Variants in TENM1 observed in about 807,000 individuals in gnomAD.
The protein encoded by TENM1 is teneurin transmembrane protein 1.
TENM1 carries 35 observed loss-of-function variants against 174.8 expected under a neutral mutation model. The observed-to-expected ratio is 0.20, with a 90% CI of 0.15 to 0.27. TENM1 has a LOEUF of 0.27. Ranked by LOEUF, TENM1 falls within the 10% of genes least tolerant of loss-of-function variation. TENM1 has a pLI of 1.00. For missense variants in TENM1, 1,633 were observed against 2,130.1 expected (o/e 0.77, Z 4.59); for synonymous variants, 781 against 798.7 (o/e 0.98, Z 0.37).
intron 3 of TENM1, among the ~76,000 whole-genome samples, chrX:124,763,278 C>T (rs2054463415): frequency 9.0e-6 from 1 of 110,757 alleles, no homozygotes; most frequent in Non-Finnish European, 1.9e-5. Flanking sequence ...GGCAATGGTA[C>T]GAGGGAATGG....
chrX:125,196,013 C>CAAAG, the TENM1 span, among the ~76,000 whole-genome samples: 1 of 90,696 alleles, frequency 1.1e-5, no homozygotes, highest in African/African-American at 4.3e-5. Context: ...AAAGAAGGAA[C>CAAAG]GAAGGAAGGA....
chrX:124,410,056 C>T (rs1376483950), intron 25 of TENM1, among the ~76,000 whole-genome samples: 10 of 109,393 alleles, frequency 9.1e-5, no homozygotes, highest in African/African-American at 3.0e-4. Flanking sequence ...GAGCCCACAT[C>T]GCCAAGTCAA....
chrX:125,019,653 A>G, the TENM1 span, among the ~76,000 whole-genome samples: 2 of 110,924 alleles, frequency 1.8e-5, no homozygotes, highest in Non-Finnish European at 3.8e-5. Flanking sequence ...GGATATTTAG[A>G]AAAAAAGTCT....
intron 3 of TENM1, among the ~76,000 whole-genome samples, chrX:124,771,499 T>C (rs2054653276): frequency 8.9e-6 from 1 of 112,493 alleles, no homozygotes; most frequent in African/African-American, 3.2e-5. Context: ...CAAATTCCCA[T>C]TAACTTCAAG....
chrX:124,507,587 G>GA (rs1415718719), intron 18 of TENM1, among the ~76,000 whole-genome samples: 1 of 111,903 alleles, frequency 8.9e-6, no homozygotes, highest in Non-Finnish European at 1.9e-5. Flanking sequence ...TTTGACATTG[G>GA]AAAAATAACT....
intron 4 of TENM1, among the ~76,000 whole-genome samples, chrX:124,732,655 G>A (rs772233351): frequency 8.9e-6 from 1 of 112,041 alleles, no homozygotes; most frequent in Non-Finnish European, 1.9e-5. Flanking sequence ...AATGCAGTTA[G>A]CAATGGGACA....
intron 10 of TENM1, among the ~76,000 whole-genome samples, chrX:124,642,911 A>C (rs2148374519): frequency 8.9e-6 from 1 of 112,567 alleles, no homozygotes; most frequent in Admixed American, 9.4e-5. Context: ...CAATGCAAAT[A>C]GACTGTGACA....
At chrX:125,188,873 G>C in the TENM1 span, among the ~76,000 whole-genome samples, 1 of 111,925 alleles carries the variant, frequency 8.9e-6, no homozygotes, top group Non-Finnish European at 1.9e-5. Flanking sequence ...ATGTTCATGT[G>C]GTTCCAGAAT....
rs1298812648 is a variant in TENM1 at position 124,481,785 on chromosome X, C to G, written c.3896G>C (p.Ser1299Thr). The change falls in exon 22 of 32, where the codon AGT becomes ACT. Residue 1299 changes from serine to threonine, a missense_variant. This residue lies in a region of TENM1 where 72 missense variants were observed against 59.4 expected (regional missense o/e 1.21). Transcript: ENST00000422452. ...TGCTCTCCCACCATCTCCACAATGA[C>G]TCTGGTCAAAGGGAAGGCACTGATC... is the stretch of plus-strand genomic sequence containing the variant. 7.5e-6 allele frequency: 9 copies of G among 1,200,107 alleles called. No individual in the cohort carries two copies. In the African/African-American group the frequency reaches 1.6e-4, roughly 21 times the overall value.
chrX:124,992,457 A>G, the TENM1 span, among the ~76,000 whole-genome samples: 6 of 111,529 alleles, frequency 5.4e-5, no homozygotes, highest in African/African-American at 2.0e-4. Flanking sequence ...CTCCCCGAAG[A>G]CTAGTCATAG....
intron 3 of TENM1, among the ~76,000 whole-genome samples, chrX:124,769,761 A>G (rs1025323195): frequency 2.7e-5 from 3 of 112,268 alleles, no homozygotes; most frequent in African/African-American, 9.7e-5. Context: ...TCCAATGTGT[A>G]TCTATCTGAC....
chrX:124,453,643 G>A (rs1415504182), intron 22 of TENM1, 152 bp from the exon 26 acceptor site: 3 of 414,272 alleles, frequency 7.2e-6, no homozygotes, highest in Non-Finnish European at 1.2e-5. Context: ...AATGGGAGAG[G>A]TTTGTTGGGG....
intron 3 of TENM1, among the ~76,000 whole-genome samples, chrX:124,833,212 A>G (rs1028610518): frequency 1.8e-5 from 2 of 112,121 alleles, no homozygotes; most frequent in Non-Finnish European, 3.8e-5. Context: ...TTCTTTAATG[A>G]TGGATCTACA....
intron 3 of TENM1, among the ~76,000 whole-genome samples, chrX:124,881,647 A>AT (rs200055291): frequency 9.9e-6 from 1 of 101,120 alleles, no homozygotes; most frequent in Admixed American, 1.1e-4. Context: ...TGATGTGCGC[A>AT]TTTTTTTCCC....
the TENM1 span, among the ~76,000 whole-genome samples, chrX:125,135,038 A>G: frequency 1.8e-5 from 2 of 111,539 alleles, no homozygotes; most frequent in Non-Finnish European, 3.8e-5. Context: ...CCAAACAAGA[A>G]TTTTATGAAC....
chrX:124,843,489 T>A (rs1477407669), intron 3 of TENM1, among the ~76,000 whole-genome samples: 2 of 111,070 alleles, frequency 1.8e-5, no homozygotes, highest in Non-Finnish European at 3.8e-5. Flanking sequence ...CCCCCCTCCC[T>A]ACTCCTTTCA....
rs1441311943 is a variant in TENM1, at chrX:124,591,487, G to A, written c.2078-25927C>T. On this transcript the variant is annotated intron_variant, in intron 11 of 31. Transcript: ENST00000422452. The stretch of plus-strand genomic sequence containing the variant: ...ATTTCTCCTTCACTTATGAAGCATA[G>A]TTTTGTGGGATATGAAATTATTGGT... 2.7e-5 allele frequency among the ~76,000 whole-genome samples: 3 copies of A among 111,845 alleles called. No homozygotes were observed. In the South Asian group the frequency reaches 1.1e-3, roughly 42 times the overall value.
At chrX:124,442,087 C>T (rs1181440104) in intron 23 of TENM1, among the ~76,000 whole-genome samples, 1 of 111,975 alleles carries the variant, frequency 8.9e-6, no homozygotes, top group Non-Finnish European at 1.9e-5. Flanking sequence ...TAGCTTTCAT[C>T]GTCCCTGTCT....
At chrX:124,539,945 TTAATGACTTTGTC>T (rs1204346608) in intron 15 of TENM1, among the ~76,000 whole-genome samples, 8 of 111,645 alleles carry the variant, frequency 7.2e-5, no homozygotes, top group African/African-American at 2.6e-4. Context: ...CTATAGTTGT[TTAATGACTTTGTC>T]TAATTTGCCA....
Sources: gnomAD v4.1 joint callset for allele counts (sites outside exome capture counted in the v4.1 genomes callset) on GRCh38, gnomAD v4.1.1 for gene constraint, gnomAD v4.1.1 regional missense constraint, MANE v1.5 for transcripts, NCBI Gene and HGNC (gene_info 2026-07-23, HGNC 2026-07-21) for gene names.